ATG4A: variants seen among roughly 807,000 people sequenced by gnomAD.
ATG4A encodes cysteine protease ATG4A.
ATG4A carries 22 observed loss-of-function variants against 38.4 expected under a neutral mutation model. The ratio of observed to expected loss-of-function variants is 0.57; its 90% CI spans 0.41 to 0.82. The LOEUF (loss-of-function observed/expected upper bound fraction) is 0.82, where lower values mean the gene tolerates loss of function less well. Among genes scored for constraint, ATG4A ranks in the 40% least tolerant of loss-of-function variants. The pLI, the probability that ATG4A is intolerant of heterozygous loss-of-function variation, is 0.00. For synonymous variants in ATG4A, 86 were observed against 100.7 expected (o/e 0.85, Z 0.88); for missense variants, 220 against 290.0 (o/e 0.76, Z 1.75).
intron 2 of ATG4A, chrX:108,126,926 C>A: frequency 2.6e-6 from 1 of 382,115 alleles, no homozygotes; most frequent in Non-Finnish European, 4.5e-6. Flanking sequence ...CCTCACTTAG[C>A]GTGGAGGAAG....
chrX:108,126,980 A>C (rs1199172416), intron 2 of ATG4A: 1 of 263,212 alleles, frequency 3.8e-6, no homozygotes, highest in Non-Finnish European at 7.3e-6. Context: ...GAAGTTAGGC[A>C]TTGTGGAGCT....
chrX:108,140,949 CAT>C (rs2033235175), intron 9 of ATG4A, among the ~76,000 whole-genome samples: 1 of 88,396 alleles, frequency 1.1e-5, no homozygotes, highest in African/African-American at 4.3e-5. Context: ...TATATATACA[CAT>C]ATATACATAT....
At chrX:108,088,921 T>G, upstream of ATG4A, 1 of 833,539 alleles carries the variant, frequency 1.2e-6, no homozygotes. Flanking sequence ...ATACTGGTGC[T>G]GGCAAATCTA....
intron 1 of ATG4A, among the ~76,000 whole-genome samples, chrX:108,114,879 C>G (rs2032459985): frequency 8.9e-6 from 1 of 111,816 alleles, no homozygotes; most frequent in Admixed American, 9.5e-5. Context: ...AATGACCTCT[C>G]AATTAATTTT....
At chrX:108,135,146 C>T (rs1174597169) in intron 6 of ATG4A, among the ~76,000 whole-genome samples, 1 of 112,266 alleles carries the variant, frequency 8.9e-6, no homozygotes, top group Non-Finnish European at 1.9e-5. Flanking sequence ...TGTCACTCTC[C>T]TTCCTAACAA....
chrX:108,134,086 C>G lies in ATG4A; in HGVS notation c.322C>G (p.Pro108Ala). The G allele has an allele frequency of 8.3e-7, 1 of 1,203,843 alleles. No homozygotes were observed. Among genetic ancestry groups the G allele is most frequent in the Non-Finnish European group, 1.1e-6 (1 of 893,260 alleles). Residue 108 changes from proline (P) to alanine (A), a missense_variant, in exon 5 of 13, where the codon CCC (proline) becomes GCC (alanine). By Grantham distance (27) the Pro-to-Ala change is conservative. Transcript: ENST00000372232. ...DWSWEKQKEQ[P>A]KEYQRILQCF... ...GAGCTGGGAGAAACAAAAAGAACAA[C>G]CCAAAGAATACCAACGCATCCTACA...
At chrX:108,097,324 A>G (rs2031855957) in intron 1 of ATG4A, among the ~76,000 whole-genome samples, 1 of 112,294 alleles carries the variant, frequency 8.9e-6, no homozygotes, top group South Asian at 3.7e-4. Flanking sequence ...AAATATTGCA[A>G]TACAAAATGC....
At position 108,153,925 on chromosome X, in the gene ATG4A, A is replaced by C; in HGVS notation, c.*213A>C. 2 of 335,949 alleles carry C rather than the reference A, an allele frequency of 6.0e-6. No individual in the cohort carries two copies. The highest frequency in any genetic ancestry group is 1.0e-5 in the Non-Finnish European group (2 of 194,017). The allele number at this position is 335,949 out of a possible 1,213,427, so 27.7% of individuals were successfully genotyped here. A position where few individuals can be genotyped will look rare whatever the true frequency, so the allele number is the denominator to read the frequency against. On this transcript the variant is annotated 3_prime_UTR_variant, in exon 13 of 13. Transcript: ENST00000372232. The stretch of plus-strand genomic sequence containing the variant: ...CCCTTCCCCGGAAAGAAATAGAACA[A>C]TCATGGAGCCTAGGAGCAGAGAGAT...
At chrX:108,099,264 A>T (rs1480377042) in intron 1 of ATG4A, among the ~76,000 whole-genome samples, 1 of 111,057 alleles carries the variant, frequency 9.0e-6, no homozygotes, top group Non-Finnish European at 1.9e-5. Flanking sequence ...ACATCTTTTC[A>T]TGTGTTTATT....
chrX:108,089,409 T>C (rs1259533980), upstream of ATG4A, among the ~76,000 whole-genome samples: 1 of 112,149 alleles, frequency 8.9e-6, no homozygotes, highest in Non-Finnish European at 1.9e-5. Flanking sequence ...AAGGAACACA[T>C]GAATCTAATG....
intron 1 of ATG4A, among the ~76,000 whole-genome samples, chrX:108,124,327 C>G (rs1181749405): frequency 8.9e-6 from 1 of 112,620 alleles, no homozygotes; most frequent in Non-Finnish European, 1.9e-5. Flanking sequence ...ACTGCAGAGA[C>G]TATCATCTTA....
rs1240706954 is a variant in ATG4A at position 108,116,756 on chromosome X, CCTCAA to C, written c.11-9319_11-9315del. 1.5e-4 allele frequency among the ~76,000 whole-genome samples: 17 copies of C among 111,826 alleles called. No homozygotes were observed. In the Admixed American group the frequency reaches 1.6e-3, roughly 11 times the overall value. On this transcript the variant is annotated intron_variant, in intron 1 of 12. Coordinates refer to ENST00000372232, the MANE Select transcript of ATG4A (RefSeq NM_052936.5). ...CTCCTGGCTCCACCTTCCTCTCCAGCCTCAACCCTTGCCAGTCCCCGTACAGCATC... is the reference window on the plus strand; with the variant it reads ...CTCCTGGCTCCACCTTCCTCTCCAGCCCCTTGCCAGTCCCCGTACAGCATC...
At chrX:108,102,392 A>G (rs765098283) in intron 1 of ATG4A, among the ~76,000 whole-genome samples, 262 of 111,118 alleles carry the variant, frequency 2.4e-3, no homozygotes, top group Non-Finnish European at 3.8e-3. Context: ...CTTTGTTCAT[A>G]TTTTAATTGA....
At chrX:108,136,041 C>T (rs1476063087) in intron 6 of ATG4A, among the ~76,000 whole-genome samples, 2 of 111,308 alleles carry the variant, frequency 1.8e-5, no homozygotes, top group African/African-American at 6.5e-5. Context: ...CTCAACCTCC[C>T]AAAGTGCTGG....
In ATG4A at chrX:108,143,715, G is replaced by A. The variant is rs1436311326; in HGVS notation, c.814+5524G>A. On this transcript the variant is annotated intron_variant, in intron 9 of 12. Transcript: ENST00000372232. ...CTCTGGAACTAAGAACTCTAGGCCA[G>A]CAGAACGTAATGTCGGGGGAACAGG... 4 of 247,995 alleles carry A rather than the reference G, an allele frequency of 1.6e-5. No homozygotes were observed. In the Admixed American group the frequency reaches 1.8e-4, roughly 11 times the overall value. 20.4% of individuals were successfully genotyped at this position (247,995 alleles called of 1,213,427 possible). A position where few individuals can be genotyped will look rare whatever the true frequency, so the allele number is the denominator to read the frequency against.
chrX:108,116,597 A>T (rs1204754258), intron 1 of ATG4A, among the ~76,000 whole-genome samples: 1 of 111,859 alleles, frequency 8.9e-6, no homozygotes, highest in Non-Finnish European at 1.9e-5. Context: ...CTAGGTGACT[A>T]CTTGGTGCAC....
chrX:108,092,598 T>C (rs909422018), intron 1 of ATG4A, among the ~76,000 whole-genome samples: 1 of 112,661 alleles, frequency 8.9e-6, no homozygotes, highest in African/African-American at 3.2e-5. Flanking sequence ...AGTAAATATT[T>C]TAGGCTTTGT....
At chrX:108,136,989 TC>T (rs1057072433) in intron 6 of ATG4A, 101 bp from the exon 7 acceptor site, 16 of 656,526 alleles carry the variant, frequency 2.4e-5, no homozygotes, top group Middle Eastern at 5.1e-4. Context: ...TTTCTATGGC[TC>T]AGTGTTTGGT....
chrX:108,091,791 T>G lies in ATG4A; in HGVS notation c.-36T>G. On this transcript the variant is annotated 5_prime_UTR_variant, in exon 1 of 13. Coordinates refer to ENST00000372232, the MANE Select transcript of ATG4A (RefSeq NM_052936.5). ...TAGCGACCGTCCGTCCGTAGTCAAG[T>G]TGCCGGTGGAATTGGCCCAGGATGA... 8.3e-7 allele frequency: 1 copy of G among 1,210,406 alleles called. No homozygotes were observed. Among genetic ancestry groups the G allele is most frequent in the Non-Finnish European group, 1.1e-6 (1 of 894,227 alleles).
Sources: allele counts gnomAD v4.1 joint callset (sites outside exome capture counted in the v4.1 genomes callset), GRCh38; gene constraint gnomAD v4.1.1; transcripts MANE v1.5; gene names NCBI Gene and HGNC (gene_info 2026-07-23, HGNC 2026-07-21).